CENPP: variants seen among roughly 807,000 people sequenced by gnomAD.
The protein encoded by CENPP is centromere protein P.
In CENPP, 24 loss-of-function variants were observed where a neutral mutation model predicts 35.6. The observed-to-expected ratio is 0.67, with a 90% CI of 0.49 to 0.95. The LOEUF is 0.95. Ranked by LOEUF, CENPP falls within the 40% of genes least tolerant of loss-of-function variation. The pLI is 0.00. For synonymous variants in CENPP, 120 were observed against 125.5 expected, an observed-to-expected ratio of 0.96 and a Z score of 0.29; for missense variants, 332 against 345.3, an observed-to-expected ratio of 0.96 and a Z score of 0.31.
At chr9:92,610,993 A>C (rs1851223368) in intron 5 of CENPP, 2 of 419,472 alleles carry the variant, frequency 4.8e-6, no homozygotes, top group Non-Finnish European at 4.3e-6. Flanking sequence ...GTTGTGACAG[A>C]CAAGGGCAGA....
At chr9:92,540,447 A>AC (rs528106470) in intron 5 of CENPP, among the ~76,000 whole-genome samples, 171 of 151,666 alleles carry the variant, frequency 1.1e-3, no homozygotes, top group African/African-American at 3.9e-3. Flanking sequence ...AAAAAAAAAA[A>AC]AAAATGAGAT....
chr9:92,502,675 T>C (rs1846753506), intron 5 of CENPP: 2 of 1,513,990 alleles, frequency 1.3e-6, no homozygotes, highest in Non-Finnish European at 1.8e-6. Context: ...GAGAAGACTA[T>C]TATTTTTCTT....
chr9:92,459,483 C>T lies in CENPP; in HGVS notation c.564+79624C>T, dbSNP rs935389719. ...AAACCATTCTCCTAAAGCTCTCCTA[C>T]TTCTTAAAACACCTCATGCAACCTG... is the stretch of plus-strand genomic sequence containing the variant. On this transcript the variant is annotated intron_variant, in intron 5 of 7. Coordinates refer to ENST00000375587, the MANE Select transcript of CENPP (RefSeq NM_001012267.3). 12 of 692,904 alleles carry T rather than the reference C, an allele frequency of 1.7e-5. No individual in the cohort carries two copies. The African/African-American group carries it at 2.0e-4, about 11-fold the overall frequency. The allele number at this position is 692,904 out of a possible 1,614,324, so 42.9% of individuals were successfully genotyped here.
At chr9:92,556,888 CT>C (rs1179005132) in intron 5 of CENPP, among the ~76,000 whole-genome samples, 1 of 151,864 alleles carries the variant, frequency 6.6e-6, no homozygotes, top group Non-Finnish European at 1.5e-5. Flanking sequence ...TTGTTTTTTG[CT>C]TTTGCTTTTT....
At chr9:92,399,014 T>C (rs899965553) in intron 5 of CENPP, among the ~76,000 whole-genome samples, 8 of 151,972 alleles carry the variant, frequency 5.3e-5, no homozygotes, top group Non-Finnish European at 2.9e-5. Flanking sequence ...TGAGCCAAGA[T>C]TGTACTGCTG....
At chr9:92,529,797 C>A (rs72754437) in intron 5 of CENPP, among the ~76,000 whole-genome samples, 6,066 of 152,118 alleles carry the variant, frequency 0.04, 185 homozygotes, top group South Asian at 0.098. Context: ...GAATTTGGGG[C>A]GGAGAGGGAT....
At chr9:92,344,322 A>G (rs553371656) in intron 3 of CENPP, among the ~76,000 whole-genome samples, 1 of 152,210 alleles carries the variant, frequency 6.6e-6, no homozygotes, top group African/African-American at 2.4e-5. Context: ...GCTGAAATCT[A>G]ACATGTATCT....
intron 4 of CENPP, among the ~76,000 whole-genome samples, chr9:92,350,615 G>A (rs925788456): frequency 1.3e-5 from 2 of 152,070 alleles, no homozygotes; most frequent in Non-Finnish European, 2.9e-5. Flanking sequence ...ACGAAATATC[G>A]TGTCACTGTG....
chr9:92,533,035 A>G (rs1167929595), intron 5 of CENPP, among the ~76,000 whole-genome samples: 6 of 151,916 alleles, frequency 3.9e-5, no homozygotes, highest in Admixed American at 3.3e-4. Flanking sequence ...GCGGTGGCTC[A>G]AGTCTGTAAT....
chr9:92,594,266 G>A (rs552389437), intron 5 of CENPP, among the ~76,000 whole-genome samples: 1 of 152,252 alleles, frequency 6.6e-6, no homozygotes, highest in East Asian at 1.9e-4. Flanking sequence ...CCCACCTCTG[G>A]TCTCCCTCCA....
chr9:92,492,515 G>A (rs1846200343), intron 5 of CENPP, among the ~76,000 whole-genome samples: 1 of 152,136 alleles, frequency 6.6e-6, no homozygotes, highest in Admixed American at 6.5e-5. Context: ...AATTAACTTT[G>A]ACTTAATGAG....
At chr9:92,377,118 C>T (rs1317019135) in intron 4 of CENPP, among the ~76,000 whole-genome samples, 2 of 151,888 alleles carry the variant, frequency 1.3e-5, no homozygotes, top group Non-Finnish European at 2.9e-5. Flanking sequence ...TATTGCAGAG[C>T]ATTTACCTGT....
chr9:92,368,373 G>A (rs926942179), intron 4 of CENPP, among the ~76,000 whole-genome samples: 22 of 152,100 alleles, frequency 1.4e-4, no homozygotes, highest in African/African-American at 4.6e-4. Context: ...AACGCTTCTG[G>A]TACCAATCAT....
rs768516099 is a variant in CENPP, at chr9:92,416,939, A to G, written c.564+37080A>G. 5 of 1,613,998 alleles carry G rather than the reference A, an allele frequency of 3.1e-6. No homozygotes were observed. In the South Asian group the frequency reaches 3.3e-5, roughly 11 times the overall value. On this transcript the variant is annotated intron_variant, in intron 5 of 7. Transcript: ENST00000375587. ...CATTAGTTTTTCCATTTTGGCAAAG[A>G]TTTTGTCTTTTAGCAGAGAATCATG... is the stretch of plus-strand genomic sequence containing the variant.
At chr9:92,517,863 T>C (rs1307842736) in intron 5 of CENPP, 1 of 1,614,062 alleles carries the variant, frequency 6.2e-7, no homozygotes, top group East Asian at 2.2e-5. Flanking sequence ...TACCAAACAG[T>C]GTCCCTTCTT....
intron 5 of CENPP, among the ~76,000 whole-genome samples, chr9:92,399,344 TC>T (rs1305941373): frequency 6.6e-6 from 1 of 152,222 alleles, no homozygotes; most frequent in Non-Finnish European, 1.5e-5. Flanking sequence ...ATTTAAATCA[TC>T]TTGTGAACTG....
rs547093530 is a variant in CENPP at position 92,444,476 on chromosome 9, A to G, written c.564+64617A>G. On this transcript the variant is annotated intron_variant, in intron 5 of 7. Coordinates refer to ENST00000375587, the MANE Select transcript of CENPP (RefSeq NM_001012267.3). ...TTTACTTTCTTGATGATGTCTTTTG[A>G]TGGACAAAACGTTTTAATTTTGCTG... 7.3e-5 allele frequency among the ~76,000 whole-genome samples: 11 copies of G among 150,196 alleles called. No homozygotes were observed. In the South Asian group the frequency reaches 2.3e-3, roughly 32 times the overall value.
chr9:92,522,982 G>T, intron 5 of CENPP: 2 of 1,249,490 alleles, frequency 1.6e-6, no homozygotes, highest in Middle Eastern at 2.8e-4. Flanking sequence ...GCCTCAGTAG[G>T]CAAGTCTTTG....
At chr9:92,425,419 G>C (rs1359140049) in intron 5 of CENPP, among the ~76,000 whole-genome samples, 1 of 152,148 alleles carries the variant, frequency 6.6e-6, no homozygotes, top group Non-Finnish European at 1.5e-5. Context: ...TCATTTCATA[G>C]AGCTATCTCT....
Sources: allele counts gnomAD v4.1 joint callset (sites outside exome capture counted in the v4.1 genomes callset), GRCh38; gene constraint gnomAD v4.1.1; transcripts MANE v1.5; gene names NCBI Gene and HGNC (gene_info 2026-07-23, HGNC 2026-07-21).